The following WDFY4 variants were observed in gnomAD, a reference collection of about 807,000 sequenced individuals.
WDFY4 encodes the protein WDFY family member 4, also known as WD repeat- and FYVE domain-containing protein 4.
Under a neutral mutation model 351.9 loss-of-function variants are expected in WDFY4, and 169 were observed. The ratio of observed to expected loss-of-function variants is 0.48; its 90% CI spans 0.42 to 0.55. The LOEUF (loss-of-function observed/expected upper bound fraction) is 0.55. Among genes scored for constraint, WDFY4 ranks in the 20% least tolerant of loss-of-function variants. The pLI, the probability that WDFY4 is intolerant of heterozygous loss-of-function variation, is 0.00. For missense variants in WDFY4, 3,803 were observed against 3,935.6 expected (o/e 0.97, Z 0.90); for synonymous variants, 1,622 against 1,574.6 (o/e 1.03, Z -0.71).
intron 12 of WDFY4, among the ~76,000 whole-genome samples, chr10:48,748,253 T>A (rs916745743): frequency 7.2e-5 from 11 of 152,222 alleles, no homozygotes; most frequent in African/African-American, 2.7e-4. Context: ...AGTAATTAGT[T>A]GAATGTCTAT....
Position 48,769,000 on chromosome 10 carries a change from A to T in WDFY4, c.2554-5458A>T, listed in dbSNP as rs188355230. 5.3e-5 allele frequency among the ~76,000 whole-genome samples: 8 copies of T among 152,328 alleles called. No individual in the cohort carries two copies. The East Asian group carries it at 1.5e-3, about 29-fold the overall frequency. On this transcript the variant is annotated intron_variant, in intron 13 of 61. Transcript: ENST00000325239. ...AGTACAGAGGGGACAAAAGTGGAGGATAGGAAGAAAAATGGGAAAGAGAGA... is the reference window on the plus strand; with the variant it reads ...AGTACAGAGGGGACAAAAGTGGAGGTTAGGAAGAAAAATGGGAAAGAGAGA...
chr10:48,774,838 G>C (rs546299361), intron 14 of WDFY4, among the ~76,000 whole-genome samples, 166 bp downstream of exon 14: 2 of 152,350 alleles, frequency 1.3e-5, no homozygotes, highest in Admixed American at 1.3e-4. Context: ...GTCTGTGCCA[G>C]GCAGTGTGCA....
chr10:48,970,192 C>A lies in WDFY4; in HGVS notation c.8831C>A (p.Ser2944Tyr). 7.1e-6 allele frequency: 11 copies of A among 1,551,750 alleles called. No homozygotes were observed. Among genetic ancestry groups the A allele is most frequent in the Non-Finnish European group, 8.7e-6 (10 of 1,147,014 alleles). ...CGCTGTCTGTGCGCCGTGTGCCCAT[C>A]CCCAACAACGATTGTCACCTCTGGG... ...WGRCLCAVCP[S>Y]PTTIVTSGTS... Residue 2944 changes from serine to tyrosine, a missense_variant, in exon 57 of 62, where the codon TCC (serine) becomes TAC (tyrosine). Transcript: ENST00000325239.
At chr10:48,921,606 GAA>G (rs59850855) in intron 47 of WDFY4, among the ~76,000 whole-genome samples, 52,276 of 151,384 alleles carry the variant, frequency 0.35, 9,241 homozygotes, top group African/African-American at 0.41. Context: ...AAGCTCTGTG[GAA>G]AAAAAAAACG....
intron 47 of WDFY4, among the ~76,000 whole-genome samples, chr10:48,924,258 G>C (rs1839380048): frequency 6.6e-6 from 1 of 152,216 alleles, no homozygotes; most frequent in South Asian, 2.1e-4. Flanking sequence ...CTCAGTTATA[G>C]AAGGCAGAGT....
chr10:48,742,755 C>T (rs535974838), intron 11 of WDFY4, among the ~76,000 whole-genome samples: 114 of 152,236 alleles, frequency 7.5e-4, no homozygotes, highest in Non-Finnish European at 1.2e-3. Flanking sequence ...TTAAATCAAC[C>T]GTATAGATTA....
chr10:48,745,287 C>T (rs1565153980), intron 12 of WDFY4, among the ~76,000 whole-genome samples: 2 of 152,146 alleles, frequency 1.3e-5, no homozygotes, highest in South Asian at 2.1e-4. Flanking sequence ...GAAGGTGGAT[C>T]GTCTGGGTTC....
intron 46 of WDFY4, among the ~76,000 whole-genome samples, chr10:48,900,563 G>T (rs964560915): frequency 4.6e-5 from 7 of 152,204 alleles, no homozygotes; most frequent in African/African-American, 1.4e-4. Context: ...CATAGAACAG[G>T]AAGTGAGAAA....
At chr10:48,856,195 A>G (rs1321654583) in intron 39 of WDFY4, among the ~76,000 whole-genome samples, 1 of 152,148 alleles carries the variant, frequency 6.6e-6, no homozygotes, top group African/African-American at 2.4e-5. Context: ...GAAATAGATG[A>G]AGAATATCTG....
intron 1 of WDFY4, among the ~76,000 whole-genome samples, chr10:48,702,095 T>C (rs1313292640): frequency 6.6e-6 from 1 of 152,234 alleles, no homozygotes; most frequent in Admixed American, 6.5e-5. Flanking sequence ...TAGACTGTCA[T>C]GTGACCACCA....
intron 1 of WDFY4, among the ~76,000 whole-genome samples, chr10:48,688,429 C>A (rs1049342295): frequency 6.6e-6 from 1 of 152,086 alleles, no homozygotes; most frequent in Non-Finnish European, 1.5e-5. Context: ...AATTCATAAA[C>A]GTGGTCTGTC....
At chr10:48,874,107 T>C (rs1218365493) in intron 41 of WDFY4, among the ~76,000 whole-genome samples, 1 of 152,250 alleles carries the variant, frequency 6.6e-6, no homozygotes, top group Non-Finnish European at 1.5e-5. Flanking sequence ...CATACTGCTA[T>C]AAGCATTACT....
At position 48,810,559 on chromosome 10, in the gene WDFY4, G is replaced by C; in HGVS notation, c.4868G>C (p.Gly1623Ala). ...AAGGAAGAGATGTTTCTGAAACTGGGGCCTGACTGGTTCCTGCTGCTCCTG... is the reference window on the plus strand; with the variant it reads ...AAGGAAGAGATGTTTCTGAAACTGGCGCCTGACTGGTTCCTGCTGCTCCTG... ...ESKEEMFLKL[G>A]PDWFLLLLQG... is the part of the protein sequence containing the mutation. The change falls in exon 29 of 62, where the codon GGG (glycine) becomes GCG (alanine). Residue 1623 changes from glycine to alanine, a missense_variant. Physicochemically the swap from Gly to Ala is moderately conservative, Grantham distance 60. Transcript: ENST00000325239. 2 of 1,551,572 alleles carry C rather than the reference G, an allele frequency of 1.3e-6. No homozygotes were observed. The highest frequency in any genetic ancestry group is 1.7e-6 in the Non-Finnish European group (2 of 1,146,970).
At position 48,721,048 on chromosome 10, in the gene WDFY4, C is replaced by T. The variant is rs1043977531; in HGVS notation, c.350-213C>T. Among the ~76,000 whole-genome samples, 8 of 152,118 alleles carry T rather than the reference C, an allele frequency of 5.3e-5. No homozygotes were observed. The East Asian group carries it at 7.7e-4, about 15-fold the overall frequency. The stretch of plus-strand genomic sequence containing the variant: ...ACCACTGATGGTTGCTAAACGGGGA[C>T]GGTGGCACAAAAAACGCTGTCTTCC... On this transcript the variant is annotated intron_variant, in intron 3 of 61. Coordinates refer to ENST00000325239, the MANE Select transcript of WDFY4 (RefSeq NM_001394531.1).
chr10:48,735,950 C>G lies in WDFY4; in HGVS notation c.1758C>G (p.Ala586=), dbSNP rs558736744. 23 of 1,551,670 alleles carry G rather than the reference C, an allele frequency of 1.5e-5. No individual in the cohort carries two copies. Among genetic ancestry groups the G allele is most frequent in the Non-Finnish European group, 1.9e-5 (22 of 1,147,030 alleles). ...IFLDDECYRE[A]SLSILEQLSA... is the part of the protein sequence containing the mutation. Reference sequence around the variant, plus strand: ...TGGATGACGAGTGCTACCGGGAGGCCTCGCTCAGCATCTTGGAGCAGCTCT... The same window carrying G: ...TGGATGACGAGTGCTACCGGGAGGCGTCGCTCAGCATCTTGGAGCAGCTCT... Residue 586 remains alanine, a synonymous_variant, in exon 11 of 62, where the codon GCC becomes GCG. Transcript: ENST00000325239.
intron 12 of WDFY4, among the ~76,000 whole-genome samples, chr10:48,748,373 A>G (rs2065075356): frequency 6.6e-6 from 1 of 152,232 alleles, no homozygotes; most frequent in Non-Finnish European, 1.5e-5. Context: ...GCCAAAGGTC[A>G]CACATTTAGT....
chr10:48,974,516 A>AAAAAAAAAAAAAAAAAAAAAAAAAC (rs1554824248), intron 57 of WDFY4, among the ~76,000 whole-genome samples: 1 of 16,330 alleles, frequency 6.1e-5, no homozygotes, highest in Non-Finnish European at 4.2e-4. Context: ...AAAAAAAAAA[A>AAAAAAAAAAAAAAAAAAAAAAAAAC]AAAAAAAAAA....
chr10:48,823,764 C>A, intron 35 of WDFY4: 1 of 991,622 alleles, frequency 1.0e-6, no homozygotes, highest in Non-Finnish European at 1.2e-6. Flanking sequence ...TCAGGGGGAC[C>A]AGGCCTGAGG....
intron 2 of WDFY4, among the ~76,000 whole-genome samples, chr10:48,716,090 G>A (rs1042654930): frequency 3.9e-5 from 6 of 152,150 alleles, no homozygotes; most frequent in South Asian, 2.1e-4. Context: ...ACACTTTTTA[G>A]CAAAGTTTTG....
Sources: allele counts gnomAD v4.1 joint callset (sites outside exome capture counted in the v4.1 genomes callset), GRCh38; gene constraint gnomAD v4.1.1; transcripts MANE v1.5; gene names NCBI Gene and HGNC (gene_info 2026-07-23, HGNC 2026-07-21).